The following CADM2 variants were observed in gnomAD, a reference collection of about 807,000 sequenced individuals.
CADM2 encodes cell adhesion molecule 2, also known as immunoglobulin superfamily member 4D.
Under a neutral mutation model 49.8 loss-of-function variants are expected in CADM2, and 12 were observed. That is an observed-to-expected ratio of 0.24 (90% CI 0.15 to 0.39). The LOEUF (loss-of-function observed/expected upper bound fraction) is 0.39, where lower values mean the gene tolerates loss of function less well. CADM2 is among the 10% of genes least tolerant of loss of function. CADM2 has a pLI of 1.00. For synonymous variants in CADM2, 214 were observed against 175.4 expected (o/e 1.22, Z -1.74); for missense variants, 378 against 492.3 (o/e 0.77, Z 2.20).
At chr3:85,379,885 T>C (rs72905453) in intron 1 of CADM2, among the ~76,000 whole-genome samples, 6,544 of 152,160 alleles carry the variant, frequency 0.043, 474 homozygotes, top group African/African-American at 0.15. Flanking sequence ...ACATTCAGCT[T>C]TCATTATTTC....
intron 1 of CADM2, among the ~76,000 whole-genome samples, chr3:85,474,530 A>G (rs2038901050): frequency 6.6e-6 from 1 of 152,004 alleles, no homozygotes; most frequent in Non-Finnish European, 1.5e-5. Context: ...GCTGGGCCCC[A>G]TGGTGCAGCC....
intron 5 of CADM2, among the ~76,000 whole-genome samples, chr3:85,898,018 G>A (rs1002883233): frequency 6.6e-6 from 1 of 151,714 alleles, no homozygotes; most frequent in Non-Finnish European, 1.5e-5. Context: ...GAACATGCTG[G>A]GCACTATATT....
intron 1 of CADM2, among the ~76,000 whole-genome samples, chr3:85,679,433 C>T (rs1011642041): frequency 2.0e-5 from 3 of 152,054 alleles, no homozygotes; most frequent in African/African-American, 7.2e-5. Flanking sequence ...AGTCTTTTCT[C>T]TATAATAATG....
At chr3:85,044,804 C>T (rs368554212) in intron 1 of CADM2, among the ~76,000 whole-genome samples, 8 of 142,382 alleles carry the variant, frequency 5.6e-5, no homozygotes, top group South Asian at 2.2e-4. Context: ...TTTTTCTTTT[C>T]TTTTTTTTTT....
intron 1 of CADM2, among the ~76,000 whole-genome samples, chr3:85,665,990 C>T (rs990653037): frequency 1.1e-4 from 17 of 151,702 alleles, no homozygotes; most frequent in African/African-American, 4.1e-4. Context: ...ATTTAGAAAA[C>T]CCCATCGTCT....
intron 8 of CADM2, among the ~76,000 whole-genome samples, chr3:85,977,548 A>T (rs1726948300): frequency 6.6e-6 from 1 of 151,588 alleles, no homozygotes; most frequent in East Asian, 1.9e-4. Flanking sequence ...ACATTTTTTA[A>T]ATTTAGAAAA....
Position 85,341,395 on chromosome 3 carries a change from T to C in CADM2, c.61+381727T>C, listed in dbSNP as rs200884810. On this transcript the variant is annotated intron_variant, in intron 1 of 9. Transcript: ENST00000383699. ...CCAAATAGAGTCTATTTTACAAACA[T>C]TAGATGGTAAACTAAAAATGGTTAG... 6.6e-5 allele frequency among the ~76,000 whole-genome samples: 10 copies of C among 151,984 alleles called. No homozygotes were observed. The East Asian group carries it at 1.7e-3, about 26-fold the overall frequency.
At chr3:85,576,290 T>G (rs999916348) in intron 1 of CADM2, among the ~76,000 whole-genome samples, 1 of 152,176 alleles carries the variant, frequency 6.6e-6, no homozygotes, top group Non-Finnish European at 1.5e-5. Context: ...TGGCAGTACC[T>G]TAGAACTGCG....
rs1158490419 is a variant in CADM2 at position 85,769,345 on chromosome 3, A to ATATATACATATATAGTATATATACACG, written c.89-32679_89-32678insCACGTATATACATATATAGTATATATA. Among the ~76,000 whole-genome samples, 4 of 113,566 alleles carry ATATATACATATATAGTATATATACACG rather than the reference A, an allele frequency of 3.5e-5. 1 individual carries two copies. The highest frequency in any genetic ancestry group is 1.1e-4 in the Admixed American group (1 of 8,788). 74.5% of individuals were successfully genotyped at this position (113,566 alleles called of 152,430 possible). On this transcript the variant is annotated intron_variant, in intron 2 of 9. Coordinates refer to ENST00000383699, the MANE Select transcript of CADM2 (RefSeq NM_001167675.2). Reference sequence around the variant, plus strand: ...ATATAGTATATATACACGTATATACATATATACATATATAGTATATATATA... The same window carrying ATATATACATATATAGTATATATACACG: ...ATATAGTATATATACACGTATATACATATATACATATATAGTATATATACACGTATATACATATATAGTATATATATA...
chr3:85,609,510 C>T (rs556039304), intron 1 of CADM2, among the ~76,000 whole-genome samples: 13 of 152,006 alleles, frequency 8.6e-5, no homozygotes, highest in South Asian at 2.1e-4. Flanking sequence ...TAAATTCTTA[C>T]GGAAACTAGC....
intron 1 of CADM2, among the ~76,000 whole-genome samples, chr3:85,004,203 T>C (rs9860513): frequency 0.3 from 44,892 of 152,028 alleles, 7,019 homozygotes; most frequent in Middle Eastern, 0.34. Flanking sequence ...ATGTAAACTA[T>C]TTCAAATTCT....
At position 85,569,502 on chromosome 3, in the gene CADM2, C is replaced by G. The variant is rs552811763; in HGVS notation, c.62-157020C>G. Among the ~76,000 whole-genome samples, 107 of 152,224 alleles carry G rather than the reference C, an allele frequency of 7.0e-4. 2 individuals carry two copies. Among genetic ancestry groups the G allele is most frequent in the Admixed American group, 1.0e-3 (16 of 15,300 alleles). On this transcript the variant is annotated intron_variant, in intron 1 of 9. Coordinates refer to ENST00000383699, the MANE Select transcript of CADM2 (RefSeq NM_001167675.2). ...TCAGTTGAAGAAACTACCCAATTAT[C>G]TTGCAAAATCACTGTACCATTCTAG...
At chr3:85,637,182 G>C (rs2064519202) in intron 1 of CADM2, among the ~76,000 whole-genome samples, 1 of 151,930 alleles carries the variant, frequency 6.6e-6, no homozygotes, top group Admixed American at 6.6e-5. Context: ...TTGAAATGAA[G>C]AAAAGATAAA....
chr3:85,973,962 G>A (rs1726466091), intron 8 of CADM2, among the ~76,000 whole-genome samples: 1 of 151,728 alleles, frequency 6.6e-6, no homozygotes, highest in African/African-American at 2.4e-5. Flanking sequence ...GTAGCATTTT[G>A]TTAGGTATCA....
At chr3:85,191,802 C>G (rs2041214923) in intron 1 of CADM2, among the ~76,000 whole-genome samples, 1 of 152,124 alleles carries the variant, frequency 6.6e-6, no homozygotes, top group African/African-American at 2.4e-5. Flanking sequence ...TACCAGTCAT[C>G]AGATACAATG....
intron 1 of CADM2, among the ~76,000 whole-genome samples, chr3:85,000,140 C>T (rs1264154106): frequency 6.6e-6 from 1 of 151,658 alleles, no homozygotes; most frequent in Non-Finnish European, 1.5e-5. Context: ...CTCTCTCTCT[C>T]TCTCTCTCCC....
intron 1 of CADM2, among the ~76,000 whole-genome samples, chr3:85,573,095 C>CA (rs2062526338): frequency 2.0e-5 from 3 of 152,004 alleles, no homozygotes; most frequent in Non-Finnish European, 4.4e-5. Flanking sequence ...GGTATTTCGA[C>CA]AAAAATAGCT....
At chr3:85,905,016 TG>T (rs1716610509) in intron 5 of CADM2, among the ~76,000 whole-genome samples, 1 of 152,124 alleles carries the variant, frequency 6.6e-6, no homozygotes, top group Non-Finnish European at 1.5e-5. Context: ...TATGGAAAAA[TG>T]TTTATGAATT....
At chr3:85,113,484 A>G (rs1239700575) in intron 1 of CADM2, among the ~76,000 whole-genome samples, 2 of 152,134 alleles carry the variant, frequency 1.3e-5, no homozygotes, top group Non-Finnish European at 2.9e-5. Context: ...CCAAAGTAAC[A>G]CTAACTTTCT....
Sources: allele counts gnomAD v4.1 joint callset (sites outside exome capture counted in the v4.1 genomes callset), GRCh38; gene constraint gnomAD v4.1.1; transcripts MANE v1.5; gene names NCBI Gene and HGNC (gene_info 2026-07-23, HGNC 2026-07-21).